The following PC variants were observed in gnomAD, a reference collection of about 807,000 sequenced individuals.
PC encodes pyruvate carboxylase, mitochondrial.
In PC, 46 loss-of-function variants were observed where a neutral mutation model predicts 107.8. The ratio of observed to expected loss-of-function variants is 0.43; its 90% confidence interval spans 0.34 to 0.55. PC has a LOEUF of 0.55. Among genes scored for constraint, PC ranks in the 20% least tolerant of loss-of-function variants. The pLI, the probability that PC is intolerant of heterozygous loss-of-function variation, is 0.04. For missense variants in PC, 1,241 were observed against 1,643.1 expected, an observed-to-expected ratio of 0.76 and a Z score of 4.23; for synonymous variants, 662 against 684.7, an observed-to-expected ratio of 0.97 and a Z score of 0.52.
At chr11:66,905,833 G>A (rs540903898) in intron 3 of PC, among the ~76,000 whole-genome samples, 126 of 152,184 alleles carry the variant, frequency 8.3e-4, no homozygotes, top group African/African-American at 2.8e-3. Context: ...CCCGAACCAC[G>A]GGTGCCTGGG....
At position 66,849,065 on chromosome 11, in the gene PC, T is replaced by G. The variant is rs747239033; in HGVS notation, c.3371A>C (p.Lys1124Thr). The G allele has an allele frequency of 6.2e-7, 1 of 1,614,078 alleles. No homozygotes were observed. The highest frequency in any genetic ancestry group is 1.1e-5 in the South Asian group (1 of 91,086). ...APMPGKVIDIKVVAGAKVAKG... is the reference protein window; with the variant it reads ...APMPGKVIDITVVAGAKVAKG... Reference sequence around the variant, plus strand: ...GGCCACCTTGGCCCCTGCCACCACTTTGATGTCTATCACCTTCCCAGGCAT... The same window carrying G: ...GGCCACCTTGGCCCCTGCCACCACTGTGATGTCTATCACCTTCCCAGGCAT... Residue 1124 changes from lysine (K) to threonine (T), a missense_variant, in exon 23 of 23, where the codon AAA (lysine) becomes ACA (threonine). Transcript: ENST00000393960.
At position 66,848,802 on chromosome 11, in the gene PC, C is replaced by G; in HGVS notation, c.*97G>C. Reference sequence around the variant, plus strand: ...GTGGACAGGACCTCCACGGCCCGGCCTTCCTGGCCTCGGGCACTGGCTGGC... The same window carrying G: ...GTGGACAGGACCTCCACGGCCCGGCGTTCCTGGCCTCGGGCACTGGCTGGC... On this transcript the variant is annotated 3_prime_UTR_variant, in exon 23 of 23. Coordinates refer to ENST00000393960, the MANE Select transcript of PC (RefSeq NM_001040716.2). The G allele has an allele frequency of 2.0e-6, 3 of 1,534,416 alleles. No homozygotes were observed. The highest frequency in any genetic ancestry group is 2.7e-6 in the Non-Finnish European group (3 of 1,114,154).
At chr11:66,935,262 T>A (rs1009601337) in intron 3 of PC, among the ~76,000 whole-genome samples, 2 of 152,228 alleles carry the variant, frequency 1.3e-5, no homozygotes, top group Non-Finnish European at 2.9e-5. Flanking sequence ...TAGATACTGA[T>A]TGCCACGTAA....
chr11:66,906,917 G>C (rs1316493494), intron 3 of PC, among the ~76,000 whole-genome samples: 1 of 152,194 alleles, frequency 6.6e-6, no homozygotes, highest in Non-Finnish European at 1.5e-5. Context: ...ACTGCTGTCT[G>C]GGAGGTCTCA....
At chr11:66,909,145 T>C (rs1948257521) in intron 3 of PC, among the ~76,000 whole-genome samples, 1 of 152,204 alleles carries the variant, frequency 6.6e-6, no homozygotes, top group African/African-American at 2.4e-5. Flanking sequence ...GTCCTTATCC[T>C]AGCACCCAGA....
At chr11:66,928,827 G>A (rs1430834723) in intron 3 of PC, among the ~76,000 whole-genome samples, 2 of 152,018 alleles carry the variant, frequency 1.3e-5, no homozygotes, top group Non-Finnish European at 2.9e-5. Flanking sequence ...GCCTGGCCAT[G>A]AGCATTACTT....
intron 3 of PC, among the ~76,000 whole-genome samples, chr11:66,910,511 T>C (rs1020095968): frequency 3.3e-5 from 5 of 152,218 alleles, no homozygotes; most frequent in African/African-American, 1.2e-4. Context: ...CTGTCCACTA[T>C]GTAACACAAA....
At position 66,871,493 on chromosome 11, in the gene PC, G is replaced by A; in HGVS notation, c.322-13C>T. On this transcript the variant is annotated splice_polypyrimidine_tract_variant and intron_variant, in intron 5 of 22. Coordinates refer to ENST00000393960, the MANE Select transcript of PC (RefSeq NM_001040716.2). This position sits in a 1 kb window ranked among gnomAD's most constrained non-coding sequence, Gnocchi z 7.4. ...CTACGTTGTTCTCCTGCAGGTGGGG[G>A]TCAGGGAGAGGACGGTACCTTGCAG... 6.2e-7 allele frequency: 1 copy of A among 1,613,060 alleles called. No individual in the cohort carries two copies. Among genetic ancestry groups the A allele is most frequent in the Non-Finnish European group, 8.5e-7 (1 of 1,179,984 alleles).
At chr11:66,859,116 C>A (rs779040339) in intron 12 of PC, 2 of 1,478,564 alleles carry the variant, frequency 1.4e-6, no homozygotes, top group South Asian at 1.4e-5. Context: ...GCCCCACACC[C>A]GGCTGCACTC....
chr11:66,887,456 AG>A (rs1203781290), intron 3 of PC, among the ~76,000 whole-genome samples: 1 of 152,256 alleles, frequency 6.6e-6, no homozygotes, highest in Non-Finnish European at 1.5e-5. Flanking sequence ...AAGAGGCGGC[AG>A]CTATTTTAAA....
At position 66,889,165 on chromosome 11, in the gene PC, T is replaced by C. The variant is rs74653288; in HGVS notation, c.1-17006A>G. ...GCAGGGTGAAGGGAGGGAAAGTGGG[T>C]ACATGTGTGGGGCAGGGTTTGAGAT... On this transcript the variant is annotated intron_variant, in intron 3 of 22. Coordinates refer to ENST00000393960, the MANE Select transcript of PC (RefSeq NM_001040716.2). Among the ~76,000 whole-genome samples, 655 of 152,124 alleles carry C rather than the reference T, an allele frequency of 4.3e-3. 7 individuals are homozygous for C. The highest frequency in any genetic ancestry group is 0.015 in the African/African-American group (634 of 41,494).
chr11:66,860,066 C>A (rs1251286190), intron 12 of PC: 1 of 1,564,126 alleles, frequency 6.4e-7, no homozygotes. Flanking sequence ...ATGCCGGGTG[C>A]TACGGTTATG....
intron 12 of PC, among the ~76,000 whole-genome samples, chr11:66,856,045 G>T (rs1945793792): frequency 6.6e-6 from 1 of 152,136 alleles, no homozygotes; most frequent in South Asian, 2.1e-4. Flanking sequence ...TCCCAACTGG[G>T]CAGACCACTG....
chr11:66,853,059 A>G, intron 13 of PC, 180 bp downstream of exon 13: 5 of 732,592 alleles, frequency 6.8e-6, no homozygotes, highest in South Asian at 5.5e-5. Flanking sequence ...GATCAGAAGC[A>G]AGGAGAGCAG....
At chr11:66,850,190 G>T in intron 19 of PC, 30 bp downstream of exon 19, 1 of 1,613,804 alleles carries the variant, frequency 6.2e-7, no homozygotes, top group Non-Finnish European at 8.5e-7. Flanking sequence ...GCAGGGCTGG[G>T]TCAGGTAAGG....
intron 3 of PC, among the ~76,000 whole-genome samples, chr11:66,922,290 C>T (rs1336561247): frequency 1.3e-5 from 2 of 152,032 alleles, no homozygotes; most frequent in Non-Finnish European, 2.9e-5. Context: ...AGCAATGAGC[C>T]TAGACCGGGC....
In PC at chr11:66,871,317, G is replaced by A. The variant is rs752714051; in HGVS notation, c.485C>T (p.Ala162Val). ...KVEARAIAIA[A>V]GVPVVPGTDA... The stretch of plus-strand genomic sequence containing the variant: ...CCTTGCTTGCCCGTTATATTCACCC[G>A]CAGCAATGGCGATGGCCCGGGCCTC... The change falls in exon 6 of 23, where the codon GCG becomes GTG. Residue 162 changes from alanine to valine, a missense_variant and splice_region_variant. Ala to Val is a moderately conservative substitution (Grantham distance 64). Transcript: ENST00000393960. This position sits in a 1 kb window ranked among gnomAD's most constrained non-coding sequence, Gnocchi z 7.4. 9.9e-6 allele frequency: 16 copies of A among 1,613,958 alleles called. No homozygotes were observed. Among genetic ancestry groups the A allele is most frequent in the East Asian group, 2.2e-5 (1 of 44,886 alleles).
Position 66,929,493 on chromosome 11 carries a change from A to C in PC, c.-1+22937T>G, listed in dbSNP as rs1446256593. On this transcript the variant is annotated intron_variant, in intron 3 of 22. Coordinates refer to ENST00000393960, the MANE Select transcript of PC (RefSeq NM_001040716.2). The stretch of plus-strand genomic sequence containing the variant: ...GCAATTCTCTTGCCTCAGCCTCCCA[A>C]GTAGCTGGGACCACAGGTGTATGCC... Among the ~76,000 whole-genome samples the C allele has an allele frequency of 1.4e-4, 21 of 152,016 alleles. 1 individual carries two copies. The highest frequency in any genetic ancestry group is 1.4e-3 in the Admixed American group (21 of 15,256).
intron 3 of PC, among the ~76,000 whole-genome samples, chr11:66,932,781 A>G (rs1948893239): frequency 6.6e-6 from 1 of 152,172 alleles, no homozygotes; most frequent in South Asian, 2.1e-4. Context: ...TGGAAGGTAA[A>G]TCATACCATC....
Sources: allele counts gnomAD v4.1 joint callset (sites outside exome capture counted in the v4.1 genomes callset), GRCh38; gene constraint gnomAD v4.1.1; non-coding constraint Gnocchi (gnomAD v3.1); transcripts MANE v1.5; gene names NCBI Gene and HGNC (gene_info 2026-07-23, HGNC 2026-07-21).